The following BRCA2 variants were observed in gnomAD, a reference collection of about 807,000 sequenced individuals.
BRCA2 encodes the protein breast cancer type 2 susceptibility protein.
Under a neutral mutation model 276.7 loss-of-function variants are expected in BRCA2, and 203 were observed. That is an observed-to-expected ratio of 0.73 (90% CI 0.65 to 0.82). BRCA2 has a LOEUF of 0.82. BRCA2 is among the 40% of genes least tolerant of loss of function. The pLI, the probability that BRCA2 is intolerant of heterozygous loss-of-function variation, is 0.00. For missense variants in BRCA2, 3,920 were observed against 3,915.0 expected (o/e 1.00, Z -0.03); for synonymous variants, 1,289 against 1,338.4 (o/e 0.96, Z 0.81).
chr13:32,345,747 A>G, intron 12 of BRCA2, among the ~76,000 whole-genome samples: 1 of 152,234 alleles, frequency 6.6e-6, no homozygotes, highest in South Asian at 2.1e-4. Context: ...CACCTTATAC[A>G]TATAACTTAA....
At chr13:32,325,884 C>T (rs1003586353) in intron 4 of BRCA2, among the ~76,000 whole-genome samples, 3 of 152,172 alleles carry the variant, frequency 2.0e-5, no homozygotes, top group African/African-American at 7.2e-5. Context: ...TTTCCAGCAG[C>T]TGAAATTTGT....
chr13:32,326,375 C>T (rs746899590), intron 6 of BRCA2, 93 bp downstream of exon 6: 147 of 1,488,676 alleles, frequency 9.9e-5, no homozygotes, highest in Admixed American at 3.7e-4. Context: ...AAATCTGTAC[C>T]TAGCATTCTG....
chr13:32,325,634 G>A (rs546718745), intron 4 of BRCA2, among the ~76,000 whole-genome samples: 238 of 150,176 alleles, frequency 1.6e-3, no homozygotes, highest in East Asian at 6.5e-3. Context: ...TCCGCCTCCC[G>A]GGTTCACGCC....
chr13:32,387,827 T>G (rs1265998767), intron 24 of BRCA2, among the ~76,000 whole-genome samples: 1 of 152,188 alleles, frequency 6.6e-6, no homozygotes, highest in Non-Finnish European at 1.5e-5. Flanking sequence ...TTCGGCTACC[T>G]AAAAGGAAAG....
chr13:32,322,641 C>A (rs1403234157), intron 3 of BRCA2, among the ~76,000 whole-genome samples: 1 of 152,168 alleles, frequency 6.6e-6, no homozygotes, highest in Non-Finnish European at 1.5e-5. Flanking sequence ...AAGCTTCCAG[C>A]GTGGGTGTCA....
rs772010158 is a variant in BRCA2 at position 32,325,083 on chromosome 13, T to C, written c.324T>C (p.Asn108=). 7.0e-6 allele frequency: 11 copies of C among 1,578,988 alleles called. No individual in the cohort carries two copies. In the Admixed American group the frequency reaches 1.0e-4, roughly 14 times the overall value. Residue 108 remains asparagine, a synonymous_variant, in exon 4 of 27, where the codon AAT becomes AAC. Coordinates refer to ENST00000380152, the MANE Select transcript of BRCA2 (RefSeq NM_000059.4). ...LDKFKLDLGR[N]VPNSRHKSLR... The stretch of plus-strand genomic sequence containing the variant: ...ATTATTGTACTGTTTCAGGAAGGAA[T>C]GTTCCCAATAGTAGACATAAAAGTC...
intron 16 of BRCA2, among the ~76,000 whole-genome samples, chr13:32,358,145 A>G (rs1456516221): frequency 6.6e-6 from 1 of 152,150 alleles, no homozygotes; most frequent in Non-Finnish European, 1.5e-5. Flanking sequence ...GATTTGGGAC[A>G]TTTTTCTTAG....
chr13:32,347,091 G>T (rs2072617256), intron 13 of BRCA2, among the ~76,000 whole-genome samples, 195 bp downstream of exon 13: 1 of 151,980 alleles, frequency 6.6e-6, no homozygotes, highest in African/African-American at 2.4e-5. Context: ...TTTTATGACA[G>T]CTTTGTAAAG....
In BRCA2 at chr13:32,326,355, TGA is replaced by T. The variant is rs2072347636; in HGVS notation, c.516+76_516+77del. On this transcript the variant is annotated intron_variant, in intron 6 of 26. Transcript: ENST00000380152. ...TGACAATAGCGTTATACCTTTGCCC[TGA>T]GATTTACAAATCTGTACCTAGCATT... The T allele has an allele frequency of 1.7e-5, 26 of 1,538,438 alleles. No individual in the cohort carries two copies. In the South Asian group the frequency reaches 2.9e-4, roughly 17 times the overall value.
intron 21 of BRCA2, among the ~76,000 whole-genome samples, chr13:32,377,625 A>G (rs1050882472): frequency 6.6e-6 from 1 of 152,110 alleles, no homozygotes; most frequent in African/African-American, 2.4e-5. Context: ...AATGGGCGTA[A>G]AATGTTGTTT....
rs113733140 is a variant in BRCA2 at position 32,327,768 on chromosome 13, A to AT, written c.631+1169dup. On this transcript the variant is annotated intron_variant, in intron 7 of 26. Coordinates refer to ENST00000380152, the MANE Select transcript of BRCA2 (RefSeq NM_000059.4). Reference sequence around the variant, plus strand: ...ACTTAGTATTTGAAAAGTTGTGACTATTTTTTTTTTTTTTAATTGAGACAA... The same window carrying AT: ...ACTTAGTATTTGAAAAGTTGTGACTATTTTTTTTTTTTTTTAATTGAGACAA... Among the ~76,000 whole-genome samples, 62,210 of 144,090 alleles carry AT rather than the reference A, an allele frequency of 0.43. 13,220 individuals are homozygous for AT. The highest frequency in any genetic ancestry group is 0.51 in the Middle Eastern group (139 of 274). The allele number at this position is 144,090 out of a possible 152,430, so 94.5% of individuals were successfully genotyped here. A position where few individuals can be genotyped will look rare whatever the true frequency, so the allele number is the denominator to read the frequency against.
intron 13 of BRCA2, among the ~76,000 whole-genome samples, chr13:32,351,290 C>A (rs1428109396): frequency 6.6e-6 from 1 of 152,158 alleles, no homozygotes; most frequent in Non-Finnish European, 1.5e-5. Context: ...GAAGAAGAAA[C>A]AACCCTGTAC....
intron 24 of BRCA2, among the ~76,000 whole-genome samples, chr13:32,391,188 GT>G (rs1326089771): frequency 1.3e-5 from 2 of 152,182 alleles, no homozygotes; most frequent in African/African-American, 4.8e-5. Flanking sequence ...CCTTTCTTAG[GT>G]TGGGAAAGAT....
intron 26 of BRCA2, among the ~76,000 whole-genome samples, chr13:32,397,325 C>G (rs912892626): frequency 6.6e-6 from 1 of 152,152 alleles, no homozygotes; most frequent in African/African-American, 2.4e-5. Flanking sequence ...AGGGTTGTTT[C>G]TAAGCTGTTT....
chr13:32,349,906 C>T (rs1229701637), intron 13 of BRCA2, among the ~76,000 whole-genome samples: 1 of 151,374 alleles, frequency 6.6e-6, no homozygotes, highest in Non-Finnish European at 1.5e-5. Flanking sequence ...GAGGCTTATT[C>T]TCCAGAGAGG....
In BRCA2 at chr13:32,398,239, A is replaced by T. The variant is rs2137663248; in HGVS notation, c.9726A>T (p.Thr3242=). ...TGGCCAAAAGGAAGTCTGTTTCCAC[A>T]CCTGTCTCAGCCCAGATGACTTCAA... The part of the protein sequence containing the change: ...LCMAKRKSVS[T]PVSAQMTSKS... The change falls in exon 27 of 27, where the codon ACA becomes ACT. Residue 3242 remains threonine (T), a synonymous_variant. Coordinates refer to ENST00000380152, the MANE Select transcript of BRCA2 (RefSeq NM_000059.4). 1 of 1,613,944 alleles carries T rather than the reference A, an allele frequency of 6.2e-7. No homozygotes were observed. Among genetic ancestry groups the T allele is most frequent in the South Asian group, 1.1e-5 (1 of 91,034 alleles).
chr13:32,320,299 T>C (rs2072298218), intron 3 of BRCA2, among the ~76,000 whole-genome samples: 1 of 152,252 alleles, frequency 6.6e-6, no homozygotes, highest in Non-Finnish European at 1.5e-5. Flanking sequence ...TCACCTCCCT[T>C]TGTCCTTATA....
intron 3 of BRCA2, among the ~76,000 whole-genome samples, chr13:32,322,873 G>A (rs1211402447): frequency 6.6e-6 from 1 of 152,122 alleles, no homozygotes; most frequent in East Asian, 1.9e-4. Context: ...AATAAAGCTG[G>A]TATAAATATT....
chr13:32,332,125 G>A, intron 9 of BRCA2, 147 bp from the exon 10 acceptor site: 2 of 753,556 alleles, frequency 2.7e-6, no homozygotes, highest in Non-Finnish European at 3.9e-6. Flanking sequence ...AAAATAAAAT[G>A]CCAAGTACTC....
Sources: gnomAD v4.1 joint callset for allele counts (sites outside exome capture counted in the v4.1 genomes callset) on GRCh38, gnomAD v4.1.1 for gene constraint, MANE v1.5 for transcripts, NCBI Gene and HGNC (gene_info 2026-07-23, HGNC 2026-07-21) for gene names.